The following C8orf76 variants were observed in gnomAD, a reference collection of about 807,000 sequenced individuals.
C8orf76 encodes the protein chromosome 8 open reading frame 76, also known as uncharacterized protein C8orf76.
In C8orf76, 46 loss-of-function variants were observed where a neutral mutation model predicts 38.1. The ratio of observed to expected loss-of-function variants is 1.21; its 90% confidence interval spans 0.95 to 1.54. The LOEUF (loss-of-function observed/expected upper bound fraction) is 1.54. Ranked by LOEUF, C8orf76 falls within the 40% of genes most tolerant of loss-of-function variation. The pLI is 0.00. For synonymous variants in C8orf76, 166 were observed against 167.5 expected, an observed-to-expected ratio of 0.99 and a Z score of 0.07; for missense variants, 461 against 441.6, an observed-to-expected ratio of 1.04 and a Z score of -0.39.
At chr8:123,238,357 T>C (rs1825571429) in intron 2 of C8orf76, among the ~76,000 whole-genome samples, 1 of 152,162 alleles carries the variant, frequency 6.6e-6, no homozygotes, top group South Asian at 2.1e-4. Context: ...GCCATGATTG[T>C]GAGGCCTCCC....
chr8:123,234,561 G>A (rs987129464), intron 3 of C8orf76, among the ~76,000 whole-genome samples: 3 of 152,182 alleles, frequency 2.0e-5, no homozygotes, highest in Non-Finnish European at 4.4e-5. Flanking sequence ...CTGAGCTCAG[G>A]AGTTCGAGAC....
At position 123,237,990 on chromosome 8, in the gene C8orf76, G is replaced by GA. The variant is rs375536266; in HGVS notation, c.214-50dup. ...GAAATGAAAGGAGGAAAACATAACA[G>GA]AAAAAAGGATTCAGAATAGGGGTGA... On this transcript the variant is annotated intron_variant, in intron 2 of 5. Coordinates refer to ENST00000276704, the MANE Select transcript of C8orf76 (RefSeq NM_032847.3). 2,442 of 1,573,814 alleles carry GA rather than the reference G, an allele frequency of 1.6e-3. 29 individuals carry two copies. In the African/African-American group the frequency reaches 0.03, roughly 19 times the overall value.
intron 4 of C8orf76, among the ~76,000 whole-genome samples, chr8:123,229,444 C>A (rs754702067): frequency 1.3e-5 from 2 of 152,238 alleles, no homozygotes; most frequent in Non-Finnish European, 2.9e-5. Context: ...GACCATTCAG[C>A]AGAGGCATCA....
chr8:123,225,080 A>C (rs969105637), intron 5 of C8orf76, among the ~76,000 whole-genome samples: 10 of 152,126 alleles, frequency 6.6e-5, no homozygotes, highest in Non-Finnish European at 1.3e-4. Flanking sequence ...ATCTCGGCTC[A>C]CTGCAACCTC....
intron 1 of C8orf76, among the ~76,000 whole-genome samples, chr8:123,240,418 A>G (rs1462768611): frequency 2.0e-5 from 3 of 152,254 alleles, no homozygotes; most frequent in African/African-American, 7.2e-5. Flanking sequence ...GGAACGAATG[A>G]GACAGTATAT....
chr8:123,231,624 G>A lies in C8orf76; in HGVS notation c.491C>T (p.Pro164Leu). Reference sequence around the variant, plus strand: ...CTCTGCCAATTTGCCCCAGTTCCAAGGATTAAAAGGATGCAAAGAAATCAG... The same window carrying A: ...CTCTGCCAATTTGCCCCAGTTCCAAAGATTAAAAGGATGCAAAGAAATCAG... ...QKLISLHPFN[P>L]WNWGKLAEAY... Residue 164 changes from proline (P) to leucine (L), a missense_variant, in exon 4 of 6, where the codon CCT (proline) becomes CTT (leucine). Coordinates refer to ENST00000276704, the MANE Select transcript of C8orf76 (RefSeq NM_032847.3). 1.2e-6 allele frequency: 2 copies of A among 1,614,182 alleles called. No individual in the cohort carries two copies. Among genetic ancestry groups the A allele is most frequent in the Non-Finnish European group, 1.7e-6 (2 of 1,180,032 alleles).
At chr8:123,231,834 C>T in intron 3 of C8orf76, 77 bp from the exon 4 acceptor site, 1 of 1,423,708 alleles carries the variant, frequency 7.0e-7, no homozygotes, top group Admixed American at 2.4e-5. Flanking sequence ...CCTAAAAAAC[C>T]AAGTTGTATA....
At chr8:123,236,437 C>A (rs867977217) in intron 3 of C8orf76, among the ~76,000 whole-genome samples, 1 of 151,950 alleles carries the variant, frequency 6.6e-6, no homozygotes, top group African/African-American at 2.4e-5. Flanking sequence ...CTTTCTTTAT[C>A]CCTTAAAAAA....
chr8:123,226,644 A>G lies in C8orf76; in HGVS notation c.816-12T>C, dbSNP rs368203548. On this transcript the variant is annotated splice_polypyrimidine_tract_variant and intron_variant, in intron 4 of 5. Transcript: ENST00000276704. ...ACTGAAGCAGAAGCCTGAAAAACCG[A>G]AAAGTCTCAATGCGTGGCGAAAAGT... is the stretch of plus-strand genomic sequence containing the variant. 6 of 1,587,424 alleles carry G rather than the reference A, an allele frequency of 3.8e-6. No individual in the cohort carries two copies. Among genetic ancestry groups the G allele is most frequent in the South Asian group, 1.2e-5 (1 of 86,370 alleles).
chr8:123,240,495 G>A (rs1346527596), intron 1 of C8orf76, among the ~76,000 whole-genome samples: 1 of 152,156 alleles, frequency 6.6e-6, no homozygotes, highest in Non-Finnish European at 1.5e-5. Context: ...TTTGACTGAT[G>A]AACTATTTAC....
chr8:123,226,102 A>G, intron 5 of C8orf76: 1 of 1,007,604 alleles, frequency 9.9e-7, no homozygotes. Flanking sequence ...GGCAAGTCAC[A>G]AGTTCTCTGA....
intron 3 of C8orf76, among the ~76,000 whole-genome samples, chr8:123,232,618 C>T (rs1212977775): frequency 6.6e-6 from 1 of 152,204 alleles, no homozygotes; most frequent in East Asian, 1.9e-4. Context: ...AGCAAAACTA[C>T]CTGGTGTACG....
chr8:123,227,536 T>C (rs764733019), intron 4 of C8orf76, among the ~76,000 whole-genome samples: 23 of 152,098 alleles, frequency 1.5e-4, no homozygotes, highest in Admixed American at 1.1e-3. Flanking sequence ...TGCGGCGGTA[T>C]AGGCAGGAAG....
At chr8:123,228,717 C>T (rs1181087195) in intron 4 of C8orf76, among the ~76,000 whole-genome samples, 1 of 152,056 alleles carries the variant, frequency 6.6e-6, no homozygotes, top group African/African-American at 2.4e-5. Context: ...AGGCCTTCGG[C>T]ACAAAGACCA....
chr8:123,235,096 T>C (rs1825412850), intron 3 of C8orf76, among the ~76,000 whole-genome samples: 1 of 152,108 alleles, frequency 6.6e-6, no homozygotes, highest in Non-Finnish European at 1.5e-5. Context: ...AGGACTGAAA[T>C]GTTTGTTGAG....
chr8:123,230,022 A>T (rs78716354), intron 4 of C8orf76, among the ~76,000 whole-genome samples: 15,127 of 152,144 alleles, frequency 0.099, 2,489 homozygotes, highest in African/African-American at 0.34. Context: ...CTCAAAAAAA[A>T]AATAATAATA....
At chr8:123,236,644 C>A (rs947049041) in intron 3 of C8orf76, among the ~76,000 whole-genome samples, 6 of 151,926 alleles carry the variant, frequency 3.9e-5, no homozygotes, top group Admixed American at 2.6e-4. Flanking sequence ...ATTAGCTGGG[C>A]GTGGTGGTGC....
At position 123,239,068 on chromosome 8, in the gene C8orf76, T is replaced by C; in HGVS notation, c.194A>G (p.Tyr65Cys). 3 of 1,614,164 alleles carry C rather than the reference T, an allele frequency of 1.9e-6. No individual in the cohort carries two copies. Among genetic ancestry groups the C allele is most frequent in the Middle Eastern group, 1.6e-4 (1 of 6,062 alleles). ...TLKKFKGDLA[Y>C]RRQEYQKALQ... ...TTCTACCTGATACTCTTGTCGTCTG[T>C]AGGCCAGGTCTCCTTTGAATTTCTT... Residue 65 changes from tyrosine to cysteine, a missense_variant, in exon 2 of 6, where the codon TAC becomes TGC. Physicochemically the swap from Tyr to Cys is radical, Grantham distance 194 (BLOSUM62 -2). Coordinates refer to ENST00000276704, the MANE Select transcript of C8orf76 (RefSeq NM_032847.3).
intron 5 of C8orf76, among the ~76,000 whole-genome samples, chr8:123,222,056 T>G (rs1377649944): frequency 6.6e-6 from 1 of 152,210 alleles, no homozygotes; most frequent in Non-Finnish European, 1.5e-5. Flanking sequence ...TGGTGCAATC[T>G]TGGCTCACTG....
Sources: allele counts gnomAD v4.1 joint callset (sites outside exome capture counted in the v4.1 genomes callset), GRCh38; gene constraint gnomAD v4.1.1; transcripts MANE v1.5; gene names NCBI Gene and HGNC (gene_info 2026-07-23, HGNC 2026-07-21).